The following LIMCH1 variants were observed in gnomAD, a reference collection of about 807,000 sequenced individuals.
LIMCH1 encodes LIM and calponin homology domains 1, also known as LIM and calponin homology domains-containing protein 1.
In LIMCH1, 113 loss-of-function variants were observed where a neutral mutation model predicts 176.5. That is an observed-to-expected ratio of 0.64 (90% CI 0.55 to 0.75). The LOEUF is 0.75. Among genes scored for constraint, LIMCH1 ranks in the 30% least tolerant of loss-of-function variants. The pLI is 0.00. For synonymous variants in LIMCH1, 619 were observed against 645.9 expected, an observed-to-expected ratio of 0.96 and a Z score of 0.63; for missense variants, 1,674 against 1,814.9, an observed-to-expected ratio of 0.92 and a Z score of 1.41.
intron 1 of LIMCH1, among the ~76,000 whole-genome samples, chr4:41,419,600 TTCCG>T (rs1310173427): frequency 0.028 from 1,927 of 68,838 alleles, 75 homozygotes; most frequent in African/African-American, 0.099. Context: ...CCTTCCTTCC[TTCCG>T]TCCTTCCTTC....
chr4:41,413,574 G>A (rs1176305298), intron 1 of LIMCH1, among the ~76,000 whole-genome samples: 1 of 151,368 alleles, frequency 6.6e-6, no homozygotes, highest in Non-Finnish European at 1.5e-5. Context: ...CTGGCTTCAA[G>A]TGATCCTCCT....
chr4:41,644,704 C>T (rs2093988115), intron 15 of LIMCH1, 78 bp downstream of exon 15: 3 of 1,520,280 alleles, frequency 2.0e-6, no homozygotes, highest in Non-Finnish European at 2.7e-6. Context: ...TAGACGTGGA[C>T]TTGAAAGCCA....
intron 1 of LIMCH1, among the ~76,000 whole-genome samples, chr4:41,451,289 T>C (rs2063843042): frequency 6.6e-6 from 1 of 151,838 alleles, no homozygotes; most frequent in African/African-American, 2.4e-5. Context: ...CTAATTTTTT[T>C]TTTTTTTTGT....
In LIMCH1 at chr4:41,646,944, A is replaced by T. The variant is rs932943252; in HGVS notation, c.2820+51A>T. 7 of 1,486,864 alleles carry T rather than the reference A, an allele frequency of 4.7e-6. No individual in the cohort carries two copies. The African/African-American group carries it at 7.0e-5, about 15-fold the overall frequency. The allele number at this position is 1,486,864 out of a possible 1,614,324, so 92.1% of individuals were successfully genotyped here. On this transcript the variant is annotated intron_variant, in intron 17 of 31. Transcript: ENST00000503057. ...ACCAAAGCTGAACTCCAGGGAGTGG[A>T]TGGAAAGAAGCATCATGACTCAAGA... is the stretch of plus-strand genomic sequence containing the variant.
At chr4:41,367,378 A>C (rs139409654) in intron 1 of LIMCH1, among the ~76,000 whole-genome samples, 2 of 152,282 alleles carry the variant, frequency 1.3e-5, no homozygotes, top group African/African-American at 4.8e-5. Context: ...AGGTTGGGAA[A>C]GCTCCATGTT....
At chr4:41,546,059 T>C (rs1051147335) in intron 1 of LIMCH1, among the ~76,000 whole-genome samples, 1 of 152,222 alleles carries the variant, frequency 6.6e-6, no homozygotes, top group Non-Finnish European at 1.5e-5. Context: ...TTTGATGATA[T>C]ATTGTTATAG....
At chr4:41,443,166 A>G (rs2062875789) in intron 1 of LIMCH1, among the ~76,000 whole-genome samples, 1 of 151,006 alleles carries the variant, frequency 6.6e-6, no homozygotes, top group Non-Finnish European at 1.5e-5. Flanking sequence ...TAAAGAGAAA[A>G]AAAAATCATA....
At chr4:41,438,300 T>A (rs2062310353) in intron 1 of LIMCH1, among the ~76,000 whole-genome samples, 2 of 152,062 alleles carry the variant, frequency 1.3e-5, no homozygotes, top group South Asian at 4.1e-4. Context: ...CATCGTCAGG[T>A]GAGTAGTGGA....
intron 1 of LIMCH1, among the ~76,000 whole-genome samples, chr4:41,424,821 C>G (rs925774658): frequency 2.0e-5 from 3 of 152,190 alleles, no homozygotes; most frequent in Non-Finnish European, 4.4e-5. Flanking sequence ...TTGGATTCCC[C>G]TGGGCCAGAC....
intron 1 of LIMCH1, among the ~76,000 whole-genome samples, chr4:41,460,559 T>G (rs115622683): frequency 0.014 from 2,152 of 151,154 alleles, 22 homozygotes; most frequent in Non-Finnish European, 0.021. Flanking sequence ...AGTAGAGATT[T>G]AGGTGTGTTG....
At chr4:41,662,559 G>A (rs758446202) in intron 19 of LIMCH1, among the ~76,000 whole-genome samples, 11 of 152,222 alleles carry the variant, frequency 7.2e-5, no homozygotes, top group South Asian at 2.1e-4. Context: ...GATGTAAACC[G>A]TGACCCTTAC....
At chr4:41,387,368 AATAC>A (rs1340112516) in intron 1 of LIMCH1, among the ~76,000 whole-genome samples, 1 of 152,240 alleles carries the variant, frequency 6.6e-6, no homozygotes, top group African/African-American at 2.4e-5. Flanking sequence ...GTACATTATA[AATAC>A]ATTTATTTTA....
At position 41,655,955 on chromosome 4, in the gene LIMCH1, C is replaced by T. The variant is rs75860812; in HGVS notation, c.3036+5347C>T. Among the ~76,000 whole-genome samples the T allele has an allele frequency of 5.3e-5, 8 of 152,304 alleles. No individual in the cohort carries two copies. In the East Asian group the frequency reaches 1.5e-3, roughly 29 times the overall value. The stretch of plus-strand genomic sequence containing the variant: ...GTCACTCCTTTCCATGCCTGTTCAT[C>T]AGATCTCTCTCACCAGCTCATCTCA... On this transcript the variant is annotated intron_variant, in intron 18 of 31. Coordinates refer to ENST00000503057, the MANE Select transcript of LIMCH1 (RefSeq NM_001330672.2).
chr4:41,503,177 G>C (rs1262012727), intron 2 of LIMCH1, among the ~76,000 whole-genome samples: 1 of 152,170 alleles, frequency 6.6e-6, no homozygotes. Context: ...GGAAAAAAGA[G>C]ATACTTTTTT....
At chr4:41,487,225 T>A (rs758359485) in intron 1 of LIMCH1, among the ~76,000 whole-genome samples, 3 of 152,046 alleles carry the variant, frequency 2.0e-5, no homozygotes, top group Non-Finnish European at 2.9e-5. Flanking sequence ...AGGGCCAAAT[T>A]TTCAGTGGCT....
At chr4:41,572,547 GA>G (rs949006708) in intron 1 of LIMCH1, among the ~76,000 whole-genome samples, 1 of 152,134 alleles carries the variant, frequency 6.6e-6, no homozygotes, top group Non-Finnish European at 1.5e-5. Flanking sequence ...TTTTCTGGCA[GA>G]AAAAAGCAAG....
intron 1 of LIMCH1, among the ~76,000 whole-genome samples, chr4:41,569,060 A>C (rs1305216643): frequency 1.3e-5 from 2 of 152,218 alleles, no homozygotes; most frequent in Non-Finnish European, 2.9e-5. Context: ...CAACTGAGGG[A>C]AACTGATAAG....
chr4:41,494,881 T>C (rs572715449), intron 2 of LIMCH1, among the ~76,000 whole-genome samples: 1 of 152,176 alleles, frequency 6.6e-6, no homozygotes, highest in African/African-American at 2.4e-5. Flanking sequence ...GTGCATCAAT[T>C]TGAGCCCATG....
chr4:41,454,073 A>G (rs907174623), intron 1 of LIMCH1, among the ~76,000 whole-genome samples: 3 of 151,976 alleles, frequency 2.0e-5, no homozygotes, highest in Non-Finnish European at 2.9e-5. Flanking sequence ...CTTCATGTCA[A>G]TCAATCTCCC....
Sources: allele counts gnomAD v4.1 joint callset (sites outside exome capture counted in the v4.1 genomes callset), GRCh38; gene constraint gnomAD v4.1.1; transcripts MANE v1.5; gene names NCBI Gene and HGNC (gene_info 2026-07-23, HGNC 2026-07-21).